Variants in KIAA0825 observed in about 807,000 individuals in gnomAD.
KIAA0825 encodes uncharacterized protein KIAA0825.
KIAA0825 carries 119 observed loss-of-function variants against 147.6 expected under a neutral mutation model. That is an observed-to-expected ratio of 0.81 (90% confidence interval 0.69 to 0.94). The LOEUF is 0.94. Among genes scored for constraint, KIAA0825 ranks in the 40% least tolerant of loss-of-function variants. KIAA0825 has a pLI of 0.00. For missense variants in KIAA0825, 1,381 were observed against 1,472.7 expected (o/e 0.94, Z 1.02); for synonymous variants, 470 against 518.1 (o/e 0.91, Z 1.26).
chr5:94,572,100 T>TAA (rs1161335580), intron 2 of KIAA0825, among the ~76,000 whole-genome samples: 43 of 136,238 alleles, frequency 3.2e-4, no homozygotes, highest in Non-Finnish European at 3.9e-4. Flanking sequence ...CTCTATCTCT[T>TAA]AAAAAAAAAA....
intron 20 of KIAA0825, among the ~76,000 whole-genome samples, chr5:94,376,392 G>A (rs1185778979): frequency 6.6e-6 from 1 of 152,142 alleles, no homozygotes; most frequent in Non-Finnish European, 1.5e-5. Flanking sequence ...AAGAGTACCT[G>A]TCCCTTGTTA....
Position 94,471,460 on chromosome 5 carries a change from ACT to A in KIAA0825, c.1721+4_1721+5del. ...TGGCCATCATCTTAATTTAAACAAC[ACT>A]CACTTTTTAGTCATTTCCTTCATCA... On this transcript the variant is annotated splice_donor_5th_base_variant and intron_variant, in intron 9 of 20. Coordinates refer to ENST00000682413, the MANE Select transcript of KIAA0825 (RefSeq NM_001145678.3). The A allele has an allele frequency of 2.6e-6, 4 of 1,551,140 alleles. No individual in the cohort carries two copies. Among genetic ancestry groups the A allele is most frequent in the Non-Finnish European group, 3.5e-6 (4 of 1,146,518 alleles).
chr5:94,154,177 A>ACACT, intron 20 of KIAA0825, 53 bp from the exon 21 acceptor site: 2 of 1,088,352 alleles, frequency 1.8e-6, no homozygotes, highest in Non-Finnish European at 2.8e-6. Context: ...CCACAGGTCA[A>ACACT]CACTCAGTTA....
chr5:94,472,678 A>G (rs1001201079), intron 8 of KIAA0825, among the ~76,000 whole-genome samples: 12 of 152,142 alleles, frequency 7.9e-5, no homozygotes, highest in Non-Finnish European at 1.6e-4. Context: ...CAGGAGGCGG[A>G]GCTTGCAGTG....
chr5:94,615,908 G>A (rs1422619119), intron 1 of KIAA0825, among the ~76,000 whole-genome samples: 1 of 151,930 alleles, frequency 6.6e-6, no homozygotes, highest in Non-Finnish European at 1.5e-5. Context: ...TGTGACCTAT[G>A]TTTATTTATT....
chr5:94,230,880 T>C (rs1318363186), intron 20 of KIAA0825, among the ~76,000 whole-genome samples: 1 of 152,122 alleles, frequency 6.6e-6, no homozygotes, highest in Admixed American at 6.5e-5. Context: ...CAACATAAAA[T>C]ATTACTGTTT....
intron 7 of KIAA0825, among the ~76,000 whole-genome samples, chr5:94,476,497 G>A (rs1761911143): frequency 6.6e-6 from 1 of 152,172 alleles, no homozygotes; most frequent in Non-Finnish European, 1.5e-5. Context: ...AGGGCTCAGG[G>A]TGGAGATAAA....
chr5:94,258,002 T>C (rs538574664), intron 20 of KIAA0825, among the ~76,000 whole-genome samples: 13 of 152,168 alleles, frequency 8.5e-5, no homozygotes, highest in African/African-American at 3.1e-4. Context: ...TGGGTATTTT[T>C]AAATATAAAA....
chr5:94,475,322 T>A (rs1358684728), intron 7 of KIAA0825, among the ~76,000 whole-genome samples: 1 of 152,234 alleles, frequency 6.6e-6, no homozygotes, highest in Non-Finnish European at 1.5e-5. Flanking sequence ...GTCATTCATT[T>A]ATTCCTTCAA....
intron 18 of KIAA0825, among the ~76,000 whole-genome samples, chr5:94,389,912 C>A (rs1298764087): frequency 6.6e-6 from 1 of 152,182 alleles, no homozygotes; most frequent in African/African-American, 2.4e-5. Flanking sequence ...CCCAGTAAAC[C>A]ACCAAATACT....
intron 14 of KIAA0825, among the ~76,000 whole-genome samples, chr5:94,423,968 G>A (rs2150746958): frequency 6.6e-6 from 1 of 152,212 alleles, no homozygotes; most frequent in East Asian, 1.9e-4. Context: ...GAACTTTGTT[G>A]TATAAAAGGC....
At chr5:94,441,763 A>G (rs1757113962) in intron 13 of KIAA0825, among the ~76,000 whole-genome samples, 1 of 152,182 alleles carries the variant, frequency 6.6e-6, no homozygotes, top group Non-Finnish European at 1.5e-5. Flanking sequence ...TAAGCCACCC[A>G]ATCTATGGTA....
intron 2 of KIAA0825, chr5:94,567,876 C>G (rs1235281767): frequency 6.4e-6 from 1 of 155,850 alleles, no homozygotes; most frequent in Non-Finnish European, 1.4e-5. Flanking sequence ...CTACTTCACT[C>G]AAGCCCCATA....
At chr5:94,294,567 AAT>A (rs1257233709) in intron 20 of KIAA0825, among the ~76,000 whole-genome samples, 1 of 152,154 alleles carries the variant, frequency 6.6e-6, no homozygotes, top group Non-Finnish European at 1.5e-5. Context: ...TTCTACTAAA[AAT>A]ACAAAAATTA....
At chr5:94,576,441 G>T (rs1042282753) in intron 2 of KIAA0825, among the ~76,000 whole-genome samples, 3 of 152,000 alleles carry the variant, frequency 2.0e-5, no homozygotes, top group Admixed American at 1.3e-4. Flanking sequence ...TAGATTAATG[G>T]GAGTGGGACG....
chr5:94,409,324 A>G (rs1185693683), intron 15 of KIAA0825, among the ~76,000 whole-genome samples: 4 of 152,228 alleles, frequency 2.6e-5, no homozygotes, highest in African/African-American at 9.6e-5. Context: ...ATGCAAAATA[A>G]CTATTTTCAC....
At chr5:94,226,804 C>T (rs1402600195) in intron 20 of KIAA0825, among the ~76,000 whole-genome samples, 4 of 151,920 alleles carry the variant, frequency 2.6e-5, no homozygotes, top group Admixed American at 6.5e-5. Context: ...AAATGCTCAC[C>T]ATCACTGGCC....
chr5:94,458,115 CA>C lies in KIAA0825; in HGVS notation c.2246+4271del, dbSNP rs571953504. 2.8e-4 allele frequency among the ~76,000 whole-genome samples: 42 copies of C among 152,270 alleles called. No individual in the cohort carries two copies. In the South Asian group the frequency reaches 8.1e-3, roughly 29 times the overall value. On this transcript the variant is annotated intron_variant, in intron 12 of 20. Coordinates refer to ENST00000682413, the MANE Select transcript of KIAA0825 (RefSeq NM_001145678.3). ...ATCACAGACAACTACCTATGAATAC[CA>C]AATTCAAGATTTTAAACAGAATTCT...
chr5:94,294,138 A>G (rs970325302), intron 20 of KIAA0825, among the ~76,000 whole-genome samples: 26 of 152,242 alleles, frequency 1.7e-4, no homozygotes, highest in African/African-American at 6.3e-4. Flanking sequence ...ATTTAAGGTT[A>G]ATATTGTTAT....
Sources: gnomAD v4.1 joint callset for allele counts (sites outside exome capture counted in the v4.1 genomes callset) on GRCh38, gnomAD v4.1.1 for gene constraint, MANE v1.5 for transcripts, NCBI Gene and HGNC (gene_info 2026-07-23, HGNC 2026-07-21) for gene names.